PLXDC2: variants seen among roughly 807,000 people sequenced by gnomAD.
PLXDC2 encodes plexin domain containing 2, also known as plexin domain-containing protein 2.
PLXDC2 carries 40 observed loss-of-function variants against 68.9 expected under a neutral mutation model. The observed-to-expected ratio is 0.58, with a 90% CI of 0.45 to 0.76. The LOEUF (loss-of-function observed/expected upper bound fraction) is 0.76. PLXDC2 is among the 30% of genes least tolerant of loss of function. The pLI is 0.00. For synonymous variants in PLXDC2, 243 were observed against 234.2 expected (o/e 1.04, Z -0.34); for missense variants, 644 against 661.9 (o/e 0.97, Z 0.30).
chr10:20,206,143 A>G (rs1421570248), intron 9 of PLXDC2, among the ~76,000 whole-genome samples: 1 of 152,144 alleles, frequency 6.6e-6, no homozygotes. Context: ...TCATAAATGT[A>G]TACAATTATA....
chr10:20,169,502 C>T (rs1834418306), intron 7 of PLXDC2, among the ~76,000 whole-genome samples: 1 of 152,180 alleles, frequency 6.6e-6, no homozygotes, highest in Non-Finnish European at 1.5e-5. Flanking sequence ...CAAATCCTTA[C>T]ACAACATGCA....
At chr10:20,167,645 G>A (rs1184436096) in intron 7 of PLXDC2, among the ~76,000 whole-genome samples, 2 of 152,078 alleles carry the variant, frequency 1.3e-5, no homozygotes, top group African/African-American at 4.8e-5. Flanking sequence ...ATTCCAAGGT[G>A]TGTTACATAG....
In PLXDC2 at chr10:20,177,370, A is replaced by G. The variant is rs755242147; in HGVS notation, c.1022A>G (p.Gln341Arg). ...AGATGTGGCCCCTGTGTATCTTCTC[A>G]GATTGGCTTCAACTGCAGTTGGTGT... is the stretch of plus-strand genomic sequence containing the variant. ...FNRCGPCVSS[Q>R]IGFNCSWCSK... is the part of the protein sequence containing the mutation. Residue 341 changes from glutamine to arginine, a missense_variant, in exon 9 of 14, where the codon CAG (glutamine) becomes CGG (arginine). This residue lies in a region of PLXDC2 where 330 missense variants were observed against 327.9 expected (regional missense o/e 1.01). Coordinates refer to ENST00000377252, the MANE Select transcript of PLXDC2 (RefSeq NM_032812.9). 7 of 1,602,874 alleles carry G rather than the reference A, an allele frequency of 4.4e-6. No homozygotes were observed. The Admixed American group carries it at 1.2e-4, about 27-fold the overall frequency.
chr10:19,857,340 G>A (rs1468799837), intron 1 of PLXDC2, among the ~76,000 whole-genome samples: 4 of 152,074 alleles, frequency 2.6e-5, no homozygotes, highest in Admixed American at 6.6e-5. Context: ...ATCTGCAACC[G>A]ACACACTTCT....
At chr10:20,086,355 T>G (rs1833195853) in intron 4 of PLXDC2, among the ~76,000 whole-genome samples, 1 of 140,904 alleles carries the variant, frequency 7.1e-6, no homozygotes, top group Non-Finnish European at 1.5e-5. Flanking sequence ...ATTTTATTTA[T>G]TTTTTAATTT....
intron 6 of PLXDC2, among the ~76,000 whole-genome samples, chr10:20,148,448 G>GA (rs1564333162): frequency 6.6e-6 from 1 of 151,916 alleles, no homozygotes; most frequent in East Asian, 1.9e-4. Flanking sequence ...CTAAGTGACA[G>GA]AAAAAACAAG....
Position 20,143,398 on chromosome 10 carries a change from T to A in PLXDC2, c.645T>A (p.Thr215=), listed in dbSNP as rs766168513. 23 of 1,613,230 alleles carry A rather than the reference T, an allele frequency of 1.4e-5. No homozygotes were observed. The highest frequency in any genetic ancestry group is 2.0e-5 in the Non-Finnish European group (23 of 1,179,344). ...ATCCCAGTGTATCCAGAAATTCAACTGTCAGATATTTTGATAATGGTATGT... is the reference window on the plus strand; with the variant it reads ...ATCCCAGTGTATCCAGAAATTCAACAGTCAGATATTTTGATAATGGTATGT... ...NFDPSVSRNS[T]VRYFDNGTAL... Residue 215 remains threonine (T), a synonymous_variant, in exon 5 of 14, where the codon ACT becomes ACA. Transcript: ENST00000377252.
rs150901198 is a variant in PLXDC2, at chr10:19,951,844, A to G, written c.113-49931A>G. Among the ~76,000 whole-genome samples the G allele has an allele frequency of 4.6e-4, 70 of 152,358 alleles. No homozygotes were observed. The East Asian group carries it at 0.012, about 26-fold the overall frequency. On this transcript the variant is annotated intron_variant, in intron 1 of 13. Coordinates refer to ENST00000377252, the MANE Select transcript of PLXDC2 (RefSeq NM_032812.9). ...AAAAGAACAAAATTATGTCCTTTGC[A>G]GCAACATGGATGCAGCTAGAGACCC...
intron 9 of PLXDC2, among the ~76,000 whole-genome samples, chr10:20,183,018 A>T (rs1176861227): frequency 6.6e-6 from 1 of 151,972 alleles, no homozygotes; most frequent in Non-Finnish European, 1.5e-5. Context: ...AGAATCAAGG[A>T]TATTTCTTAG....
chr10:20,183,159 A>G (rs1834631064), intron 9 of PLXDC2, among the ~76,000 whole-genome samples: 1 of 151,982 alleles, frequency 6.6e-6, no homozygotes, highest in Non-Finnish European at 1.5e-5. Context: ...GATGCCTATC[A>G]GACTTCAAGT....
chr10:20,159,852 C>A (rs1219291905), intron 6 of PLXDC2, among the ~76,000 whole-genome samples: 1 of 152,192 alleles, frequency 6.6e-6, no homozygotes, highest in African/African-American at 2.4e-5. Flanking sequence ...TTTCTTACTT[C>A]CTTCGAGTTT....
rs531623002 is a variant in PLXDC2, at chr10:20,018,409, A to G, written c.324+16423A>G. 5.3e-4 allele frequency among the ~76,000 whole-genome samples: 80 copies of G among 152,348 alleles called. 1 individual carries two copies. Among genetic ancestry groups the G allele is most frequent in the African/African-American group, 1.7e-3 (70 of 41,584 alleles). Reference sequence around the variant, plus strand: ...TATTTAAGCACTATCCAGATGAAATACTTCCTTTTGCTTCTATTAAGAACA... The same window carrying G: ...TATTTAAGCACTATCCAGATGAAATGCTTCCTTTTGCTTCTATTAAGAACA... On this transcript the variant is annotated intron_variant, in intron 2 of 13. Transcript: ENST00000377252.
At chr10:20,064,887 T>G (rs1173065524) in intron 3 of PLXDC2, among the ~76,000 whole-genome samples, 2 of 98,348 alleles carry the variant, frequency 2.0e-5, no homozygotes. Flanking sequence ...TGTTTTGTTT[T>G]TGTTTTTTGT....
At chr10:20,037,948 G>C (rs1355583923) in intron 2 of PLXDC2, among the ~76,000 whole-genome samples, 4 of 152,120 alleles carry the variant, frequency 2.6e-5, no homozygotes, top group Non-Finnish European at 4.4e-5. Context: ...AACGTTTTTA[G>C]GAGGGTCACT....
intron 13 of PLXDC2, among the ~76,000 whole-genome samples, chr10:20,247,296 CAAAAAAAAAAAAAAAG>C (rs1287589322): frequency 3.1e-5 from 3 of 96,538 alleles, no homozygotes; most frequent in Non-Finnish European, 6.8e-5. Context: ...TTCATCTCTA[CAAAAAAAAAAAAAAAG>C]AAAAAAAGAA....
At chr10:20,157,965 G>T (rs1413085277) in intron 6 of PLXDC2, among the ~76,000 whole-genome samples, 1 of 151,772 alleles carries the variant, frequency 6.6e-6, no homozygotes, top group African/African-American at 2.4e-5. Context: ...AGAAATGTGC[G>T]ATTCAATACA....
At chr10:19,910,591 C>CTTTTTTTTTTTT (rs1006322581) in intron 1 of PLXDC2, among the ~76,000 whole-genome samples, 3 of 92,558 alleles carry the variant, frequency 3.2e-5, no homozygotes, top group South Asian at 3.8e-4. Flanking sequence ...TAAGTGGTTG[C>CTTTTTTTTTTTT]TTTTTTTTTT....
chr10:20,232,902 AAAG>A (rs746304472), intron 12 of PLXDC2, among the ~76,000 whole-genome samples: 15 of 152,180 alleles, frequency 9.9e-5, no homozygotes, highest in African/African-American at 1.4e-4. Context: ...AAAAGTAAAA[AAAG>A]AAGAAAGAAA....
chr10:20,065,314 A>G (rs1014513012), intron 3 of PLXDC2, among the ~76,000 whole-genome samples: 1 of 152,254 alleles, frequency 6.6e-6, no homozygotes, highest in African/African-American at 2.4e-5. Flanking sequence ...AGTAGCAGGG[A>G]CTAGTTCATG....
Sources: allele counts gnomAD v4.1 joint callset (sites outside exome capture counted in the v4.1 genomes callset), GRCh38; gene constraint gnomAD v4.1.1; regional missense constraint gnomAD v4.1.1; transcripts MANE v1.5; gene names NCBI Gene and HGNC (gene_info 2026-07-23, HGNC 2026-07-21).